The following ADARB2 variants were observed in gnomAD, a reference collection of about 807,000 sequenced individuals.
ADARB2 encodes the protein inactive double-stranded RNA-specific editase B2.
Under a neutral mutation model 62.2 loss-of-function variants are expected in ADARB2, and 25 were observed. That is an observed-to-expected ratio of 0.40 (90% CI 0.29 to 0.56). The LOEUF is 0.56. Ranked by LOEUF, ADARB2 falls within the 20% of genes least tolerant of loss-of-function variation. The pLI, the probability that ADARB2 is intolerant of heterozygous loss-of-function variation, is 0.43. For synonymous variants in ADARB2, 572 were observed against 500.8 expected (o/e 1.14, Z -1.90); for missense variants, 1,071 against 1,077.4 (o/e 0.99, Z 0.08).
At chr10:1,718,097 C>T (rs543822546) in intron 1 of ADARB2, among the ~76,000 whole-genome samples, 1 of 151,976 alleles carries the variant, frequency 6.6e-6, no homozygotes, top group Non-Finnish European at 1.5e-5. Context: ...GAGGAGGAAA[C>T]CAAGAGGCAC....
chr10:1,541,803 G>C lies in ADARB2; in HGVS notation c.101-162643C>G, dbSNP rs78945157. On this transcript the variant is annotated intron_variant, in intron 1 of 9. Coordinates refer to ENST00000381312, the MANE Select transcript of ADARB2 (RefSeq NM_018702.4). ...ACCCTGGATCACAGCCGCCCAGACC[G>C]CACTCAGATGTAGTTCAGACCCTGG... is the stretch of plus-strand genomic sequence containing the variant. Among the ~76,000 whole-genome samples the C allele has an allele frequency of 7.4e-3, 148 of 19,938 alleles. 1 individual carries two copies. Among genetic ancestry groups the C allele is most frequent in the African/African-American group, 0.018 (68 of 3,692 alleles). The allele number at this position is 19,938 out of a possible 152,430, so 13.1% of individuals were successfully genotyped here.
At chr10:1,440,897 A>C (rs1349124408) in intron 1 of ADARB2, among the ~76,000 whole-genome samples, 1 of 152,248 alleles carries the variant, frequency 6.6e-6, no homozygotes, top group Non-Finnish European at 1.5e-5. Context: ...CACAGACATG[A>C]CAACGAAAAT....
intron 3 of ADARB2, among the ~76,000 whole-genome samples, chr10:1,309,070 A>G (rs1440887238): frequency 5.1e-4 from 77 of 152,246 alleles, no homozygotes; most frequent in Non-Finnish European, 2.2e-4. Flanking sequence ...ACCGAAGTCC[A>G]TGCCTCTGAC....
At chr10:1,395,683 T>A (rs1047230869) in intron 1 of ADARB2, among the ~76,000 whole-genome samples, 1 of 152,080 alleles carries the variant, frequency 6.6e-6, no homozygotes, top group Admixed American at 6.5e-5. Flanking sequence ...ACGCAGACCA[T>A]CCCGGCGTCG....
intron 1 of ADARB2, among the ~76,000 whole-genome samples, chr10:1,445,504 C>T (rs1194864255): frequency 6.7e-6 from 1 of 149,176 alleles, no homozygotes; most frequent in Non-Finnish European, 1.5e-5. Flanking sequence ...ATTCTTCCAT[C>T]CATCCATCTG....
intron 1 of ADARB2, among the ~76,000 whole-genome samples, chr10:1,604,181 T>C (rs899225624): frequency 5.3e-5 from 8 of 152,184 alleles, no homozygotes; most frequent in African/African-American, 1.7e-4. Flanking sequence ...TTCAGAAAAA[T>C]ATATTTTTTT....
At chr10:1,591,632 A>G (rs952374274) in intron 1 of ADARB2, among the ~76,000 whole-genome samples, 25 of 141,624 alleles carry the variant, frequency 1.8e-4, no homozygotes, top group Admixed American at 5.2e-4. Context: ...CTGTCTCTGA[A>G]TCTCTCTTAC....
intron 3 of ADARB2, among the ~76,000 whole-genome samples, chr10:1,328,650 C>T (rs1831899275): frequency 6.6e-6 from 1 of 152,060 alleles, no homozygotes; most frequent in Non-Finnish European, 1.5e-5. Context: ...TAAAAATCCC[C>T]CTCCAGAGCT....
chr10:1,643,095 G>A (rs1419642014), intron 1 of ADARB2, among the ~76,000 whole-genome samples: 1 of 152,146 alleles, frequency 6.6e-6, no homozygotes, highest in Non-Finnish European at 1.5e-5. Context: ...CTGAGGCACA[G>A]ACACCCAAAG....
intron 1 of ADARB2, chr10:1,674,951 G>A (rs1834442884): frequency 1.0e-6 from 1 of 982,052 alleles, no homozygotes; most frequent in South Asian, 4.7e-5. Flanking sequence ...TTGGGTTTGG[G>A]GGTACACGGA....
In ADARB2 at chr10:1,276,823, G is replaced by A. The variant is rs563878203; in HGVS notation, c.1078-5754C>T. On this transcript the variant is annotated intron_variant, in intron 3 of 9. Coordinates refer to ENST00000381312, the MANE Select transcript of ADARB2 (RefSeq NM_018702.4). ...TATACATTCTTCTCAGCACCACACC[G>A]CACTTATTCCAAAATTGACCACTTA... Among the ~76,000 whole-genome samples, 73 of 152,168 alleles carry A rather than the reference G, an allele frequency of 4.8e-4. 1 individual carries two copies. Among genetic ancestry groups the A allele is most frequent in the African/African-American group, 1.5e-3 (61 of 41,528 alleles).
intron 3 of ADARB2, among the ~76,000 whole-genome samples, chr10:1,283,317 C>T (rs945377736): frequency 2.0e-5 from 3 of 152,192 alleles, no homozygotes; most frequent in Non-Finnish European, 4.4e-5. Flanking sequence ...TGCTACTTGC[C>T]AGACACTTTC....
intron 1 of ADARB2, among the ~76,000 whole-genome samples, chr10:1,696,693 G>A (rs552038221): frequency 4.6e-5 from 7 of 152,188 alleles, no homozygotes; most frequent in Non-Finnish European, 1.0e-4. Context: ...CCTGCCCAGG[G>A]TCTGGAGCCT....
chr10:1,290,986 A>G (rs1831461080), intron 3 of ADARB2: 1 of 152,236 alleles, frequency 6.6e-6, no homozygotes, highest in Non-Finnish European at 1.5e-5. Context: ...CAAACAGATG[A>G]GGTCCTCCGT....
chr10:1,614,369 C>A (rs1316321558), intron 1 of ADARB2, among the ~76,000 whole-genome samples: 2 of 152,210 alleles, frequency 1.3e-5, no homozygotes, highest in Admixed American at 1.3e-4. Context: ...TTGGCTACAT[C>A]AGCCTGGGTT....
intron 3 of ADARB2, among the ~76,000 whole-genome samples, chr10:1,296,845 C>T (rs1194486677): frequency 6.6e-6 from 1 of 152,162 alleles, no homozygotes; most frequent in African/African-American, 2.4e-5. Context: ...TTTCTCCTTC[C>T]TTACTGCCAG....
At chr10:1,329,144 G>C (rs1328646190) in intron 3 of ADARB2, among the ~76,000 whole-genome samples, 1 of 152,126 alleles carries the variant, frequency 6.6e-6, no homozygotes, top group Non-Finnish European at 1.5e-5. Flanking sequence ...TGCAGATAAA[G>C]GATTTAACAA....
chr10:1,283,267 T>A (rs1831385253), intron 3 of ADARB2, among the ~76,000 whole-genome samples: 1 of 152,256 alleles, frequency 6.6e-6, no homozygotes, highest in Admixed American at 6.5e-5. Context: ...ACTGACTTTC[T>A]ATTGGTTAAT....
At chr10:1,271,906 A>T (rs1471451028) in intron 3 of ADARB2, among the ~76,000 whole-genome samples, 2 of 152,148 alleles carry the variant, frequency 1.3e-5, no homozygotes. Context: ...CAGTTCTGCC[A>T]CTCAGGAGCC....
Sources: gnomAD v4.1 joint callset for allele counts (sites outside exome capture counted in the v4.1 genomes callset) on GRCh38, gnomAD v4.1.1 for gene constraint, MANE v1.5 for transcripts, NCBI Gene and HGNC (gene_info 2026-07-23, HGNC 2026-07-21) for gene names.